The following ADGRV1 variants were observed in gnomAD, a reference collection of about 807,000 sequenced individuals.
The protein encoded by ADGRV1 is adhesion G protein-coupled receptor V1, also known as G-protein coupled receptor 98.
ADGRV1 carries 359 observed loss-of-function variants against 596.2 expected under a neutral mutation model. That is an observed-to-expected ratio of 0.60 (90% CI 0.55 to 0.66). The LOEUF (loss-of-function observed/expected upper bound fraction) is 0.66, where lower values mean the gene tolerates loss of function less well. ADGRV1 is among the 30% of genes least tolerant of loss of function. The pLI is 0.00. For synonymous variants in ADGRV1, 2,681 were observed against 2,679.2 expected (o/e 1.00, Z -0.02); for missense variants, 7,274 against 7,575.6 (o/e 0.96, Z 1.48).
In ADGRV1 at chr5:90,558,900, C is replaced by G; in HGVS notation, c.5C>G (p.Ser2Trp). Residue 2 changes from serine (S) to tryptophan (W), a missense_variant, in exon 1 of 90, where the codon TCG becomes TGG. Coordinates refer to ENST00000405460, the MANE Select transcript of ADGRV1 (RefSeq NM_032119.4). The part of the protein sequence containing the change: M[S>W]VFLGPGMPSA... ...GGGACCGCCGGGAGCGCGCGGATGTCGGTGTTCCTGGGGCCAGGTAGGCTA... is the reference window on the plus strand; with the variant it reads ...GGGACCGCCGGGAGCGCGCGGATGTGGGTGTTCCTGGGGCCAGGTAGGCTA... 1 of 1,559,766 alleles carries G rather than the reference C, an allele frequency of 6.4e-7. No homozygotes were observed. Among genetic ancestry groups the G allele is most frequent in the East Asian group, 2.4e-5 (1 of 42,044 alleles).
intron 1 of ADGRV1, among the ~76,000 whole-genome samples, chr5:90,587,994 C>T (rs1758998428): frequency 6.6e-6 from 1 of 152,150 alleles, no homozygotes; most frequent in South Asian, 2.1e-4. Flanking sequence ...CATAATTATA[C>T]TGATATTACC....
chr5:90,696,853 C>T (rs1747254117), intron 33 of ADGRV1, 84 bp from the exon 34 acceptor site: 2 of 920,008 alleles, frequency 2.2e-6, no homozygotes. Flanking sequence ...AACTTTTAAA[C>T]ATAGAAATTA....
In ADGRV1 at chr5:90,692,752, A is replaced by G. The variant is rs1209258737; in HGVS notation, c.7099A>G (p.Arg2367Gly). Residue 2367 changes from arginine to glycine, a missense_variant, in exon 32 of 90, where the codon AGA becomes GGA. By Grantham distance (125) the Arg-to-Gly change is moderately radical. Around this residue, in one of 5 missense-constraint regions of ADGRV1, gnomAD observed 3,643 missense variants for 3,809.2 expected, o/e 0.96. Transcript: ENST00000405460. Reference protein sequence around the residue: ...MVYRVQEPLERSSCANITVRR... With the variant: ...MVYRVQEPLEGSSCANITVRR... ...TTATCGTGTTCAAGAGCCTCTGGAA[A>G]GAAGTTCCTGTGCTAATATAACTGT... The G allele has an allele frequency of 6.2e-7, 1 of 1,605,420 alleles. No individual in the cohort carries two copies. The highest frequency in any genetic ancestry group is 2.2e-5 in the East Asian group (1 of 44,638).
chr5:91,151,351 T>C (rs148618634), intron 88 of ADGRV1, among the ~76,000 whole-genome samples: 1 of 152,140 alleles, frequency 6.6e-6, no homozygotes, highest in East Asian at 1.9e-4. Context: ...AGAAACAGAG[T>C]AGAAAGGTGG....
chr5:90,623,706 C>A (rs972378235), intron 5 of ADGRV1, among the ~76,000 whole-genome samples: 9 of 152,284 alleles, frequency 5.9e-5, no homozygotes, highest in Admixed American at 5.9e-4. Context: ...ACCCACCATG[C>A]CTTCCCCCTG....
intron 89 of ADGRV1, among the ~76,000 whole-genome samples, chr5:91,155,402 C>T (rs1449802540): frequency 6.6e-6 from 1 of 152,076 alleles, no homozygotes; most frequent in Non-Finnish European, 1.5e-5. Flanking sequence ...TGAGAGAAGC[C>T]GGGCAGCAGA....
At chr5:90,592,288 G>A (rs181986040) in intron 1 of ADGRV1, among the ~76,000 whole-genome samples, 123 of 152,298 alleles carry the variant, frequency 8.1e-4, no homozygotes, top group Non-Finnish European at 1.4e-3. Flanking sequence ...GCCATAAAAA[G>A]GAATGAAATA....
At chr5:91,002,113 A>G (rs1384631868) in intron 85 of ADGRV1, among the ~76,000 whole-genome samples, 3 of 152,170 alleles carry the variant, frequency 2.0e-5, no homozygotes, top group Admixed American at 6.6e-5. Flanking sequence ...TCTATAATGT[A>G]AAACTTTGAG....
chr5:90,780,335 C>G (rs1317129947), intron 64 of ADGRV1, among the ~76,000 whole-genome samples: 2 of 152,136 alleles, frequency 1.3e-5, no homozygotes, highest in African/African-American at 4.8e-5. Flanking sequence ...AACAGTTACT[C>G]TTATCATTTA....
chr5:91,003,247 G>A (rs1206427846), intron 85 of ADGRV1, among the ~76,000 whole-genome samples: 1 of 152,192 alleles, frequency 6.6e-6, no homozygotes, highest in African/African-American at 2.4e-5. Context: ...TAGAAATCCT[G>A]CGCCTTTTAA....
At chr5:90,911,685 A>G (rs1188989509) in intron 83 of ADGRV1, among the ~76,000 whole-genome samples, 1 of 152,180 alleles carries the variant, frequency 6.6e-6, no homozygotes, top group East Asian at 1.9e-4. Flanking sequence ...TTTAACTTTT[A>G]ATAAAATTGG....
chr5:90,594,383 T>C (rs60598515), intron 1 of ADGRV1, among the ~76,000 whole-genome samples: 1 of 152,060 alleles, frequency 6.6e-6, no homozygotes, highest in African/African-American at 2.4e-5. Context: ...GTTTGCTGCT[T>C]CTTCTGCCAT....
In ADGRV1 at chr5:90,716,484, G is replaced by T. The variant is rs972777692; in HGVS notation, c.9202G>T (p.Ala3068Ser). 2 of 1,585,636 alleles carry T rather than the reference G, an allele frequency of 1.3e-6. No homozygotes were observed. Among genetic ancestry groups the T allele is most frequent in the Admixed American group, 1.7e-5 (1 of 57,986 alleles). ...TTTGGCAGCCTTAATTATTGTCCTT[G>T]CTAATGATGACGGCCCTGGAGTTCT... ...KNTIALIIVLANDDGPGVLSF... is the reference protein window; with the variant it reads ...KNTIALIIVLSNDDGPGVLSF... Residue 3068 changes from alanine to serine, a missense_variant, in exon 43 of 90, where the codon GCT (alanine) becomes TCT (serine). Physicochemically the swap from Ala to Ser is moderately conservative, Grantham distance 99. This residue lies in a region of ADGRV1 where 3,643 missense variants were observed against 3,809.2 expected (regional missense o/e 0.96). Coordinates refer to ENST00000405460, the MANE Select transcript of ADGRV1 (RefSeq NM_032119.4).
At chr5:90,976,990 A>G (rs1779670000) in intron 84 of ADGRV1, among the ~76,000 whole-genome samples, 1 of 152,226 alleles carries the variant, frequency 6.6e-6, no homozygotes. Context: ...TTTTCTCAAT[A>G]TAACCAGGCT....
chr5:90,874,784 G>A (rs1427298126), intron 83 of ADGRV1, among the ~76,000 whole-genome samples: 1 of 152,080 alleles, frequency 6.6e-6, no homozygotes, highest in Non-Finnish European at 1.5e-5. Context: ...CGTGAACCCA[G>A]GAGGCGGAGC....
chr5:90,647,474 G>A (rs1193993538), intron 16 of ADGRV1, 24 bp from the exon 17 acceptor site: 2 of 1,588,900 alleles, frequency 1.3e-6, no homozygotes, highest in Admixed American at 3.6e-5. Context: ...AAGCTCATGT[G>A]TTCTTTCTTT....
At chr5:90,919,050 TTC>T (rs1436064382) in intron 83 of ADGRV1, among the ~76,000 whole-genome samples, 2 of 152,242 alleles carry the variant, frequency 1.3e-5, no homozygotes, top group African/African-American at 4.8e-5. Context: ...TCCTCTGGTT[TTC>T]TGGCAATACA....
chr5:90,797,339 G>GA (rs568970559), intron 70 of ADGRV1, among the ~76,000 whole-genome samples: 2,542 of 137,352 alleles, frequency 0.019, 86 homozygotes, highest in African/African-American at 0.065. Flanking sequence ...AATCTCTGAT[G>GA]AAACAGACTT....
chr5:90,642,665 C>G lies in ADGRV1; in HGVS notation c.2270C>G (p.Ser757Cys). The G allele has an allele frequency of 6.2e-7, 1 of 1,613,422 alleles. No homozygotes were observed. The highest frequency in any genetic ancestry group is 1.1e-5 in the South Asian group (1 of 91,024). ...RVNVENQVLK[S>C]GYTSRDLIIL... ...AACGTGGAAAACCAAGTGCTGAAAT[C>G]TGGATATACTAGCCGTGACCTAATT... The change falls in exon 12 of 90, where the codon TCT becomes TGT. Residue 757 changes from serine to cysteine, a missense_variant. Ser to Cys is a moderately radical substitution (Grantham distance 112). Around this residue, in one of 5 missense-constraint regions of ADGRV1, gnomAD observed 1,715 missense variants for 1,708.8 expected, o/e 1.00. Transcript: ENST00000405460.
Sources: allele counts gnomAD v4.1 joint callset (sites outside exome capture counted in the v4.1 genomes callset), GRCh38; gene constraint gnomAD v4.1.1; regional missense constraint gnomAD v4.1.1; transcripts MANE v1.5; gene names NCBI Gene and HGNC (gene_info 2026-07-23, HGNC 2026-07-21).